KLHL32: variants seen among roughly 807,000 people sequenced by gnomAD.
KLHL32 encodes the protein kelch like family member 32.
In KLHL32, 35 loss-of-function variants were observed where a neutral mutation model predicts 64.8. That is an observed-to-expected ratio of 0.54 (90% CI 0.41 to 0.72). The LOEUF is 0.72. Among genes scored for constraint, KLHL32 ranks in the 30% least tolerant of loss-of-function variants. The pLI is 0.00. For missense variants in KLHL32, 589 were observed against 768.5 expected, an observed-to-expected ratio of 0.77 and a Z score of 2.76; for synonymous variants, 259 against 281.0, an observed-to-expected ratio of 0.92 and a Z score of 0.78.
chr6:96,991,336 G>A (rs1459817917), intron 3 of KLHL32, among the ~76,000 whole-genome samples: 1 of 152,092 alleles, frequency 6.6e-6, no homozygotes, highest in African/African-American at 2.4e-5. Context: ...AAGAATACAG[G>A]GTGGGAGCTC....
chr6:97,027,036 C>T (rs1782812144), intron 3 of KLHL32, among the ~76,000 whole-genome samples: 1 of 151,874 alleles, frequency 6.6e-6, no homozygotes, highest in African/African-American at 2.4e-5. Context: ...GTGGCGTGCA[C>T]CTGTAGTCCC....
chr6:96,899,779 C>T, the KLHL32 span, among the ~76,000 whole-genome samples: 2 of 152,176 alleles, frequency 1.3e-5, no homozygotes, highest in Admixed American at 1.3e-4. Flanking sequence ...AACAGGAACT[C>T]TGAACTTAAG....
chr6:96,941,211 C>T (rs955167477), intron 1 of KLHL32, among the ~76,000 whole-genome samples: 2 of 152,112 alleles, frequency 1.3e-5, no homozygotes, highest in Non-Finnish European at 2.9e-5. Flanking sequence ...TTCTATGATT[C>T]GCCTGTTCAA....
chr6:96,933,239 G>A (rs1023254956), intron 1 of KLHL32, among the ~76,000 whole-genome samples: 3 of 152,262 alleles, frequency 2.0e-5, no homozygotes, highest in South Asian at 2.1e-4. Flanking sequence ...CAAAACACGT[G>A]CCTTGATTAC....
chr6:97,134,377 G>A (rs975902541), intron 10 of KLHL32, among the ~76,000 whole-genome samples: 9 of 152,178 alleles, frequency 5.9e-5, no homozygotes, highest in African/African-American at 1.9e-4. Context: ...CTAGAGCTTC[G>A]TCCTGTCTTT....
Position 97,140,392 on chromosome 6 carries a change from T to A in KLHL32, c.*1110T>A. On this transcript the variant is annotated 3_prime_UTR_variant, in exon 11 of 11. Coordinates refer to ENST00000369261, the MANE Select transcript of KLHL32 (RefSeq NM_052904.4). ...AGTTTTTCCACTTTGTTAAAGGTTATGTCAATCTTGAGTGCTTGTGGAATT... is the reference window on the plus strand; with the variant it reads ...AGTTTTTCCACTTTGTTAAAGGTTAAGTCAATCTTGAGTGCTTGTGGAATT... 6.6e-6 allele frequency: 1 copy of A among 152,124 alleles called. No homozygotes were observed. The highest frequency in any genetic ancestry group is 1.9e-4 in the East Asian group (1 of 5,200). 9.4% of individuals were successfully genotyped at this position (152,124 alleles called of 1,614,324 possible).
chr6:96,969,759 G>C (rs981052677), intron 2 of KLHL32, among the ~76,000 whole-genome samples: 3 of 152,126 alleles, frequency 2.0e-5, no homozygotes, highest in Non-Finnish European at 4.4e-5. Context: ...CCATGTTCTT[G>C]AGATACAGCT....
intron 1 of KLHL32, among the ~76,000 whole-genome samples, chr6:96,927,482 G>A (rs977769328): frequency 1.4e-4 from 22 of 151,970 alleles, no homozygotes; most frequent in African/African-American, 5.3e-4. Flanking sequence ...AGGTAAATAC[G>A]TCTTGAGAAG....
chr6:96,971,759 C>T (rs1033902929), intron 2 of KLHL32, among the ~76,000 whole-genome samples: 2 of 152,102 alleles, frequency 1.3e-5, no homozygotes, highest in Non-Finnish European at 2.9e-5. Context: ...GACATATATC[C>T]CTGGGAACTC....
chr6:97,089,041 C>T (rs1404841640), intron 6 of KLHL32, among the ~76,000 whole-genome samples: 1 of 152,208 alleles, frequency 6.6e-6, no homozygotes, highest in Non-Finnish European at 1.5e-5. Flanking sequence ...AAGTATGGCT[C>T]TCCACCCATC....
At chr6:96,977,091 T>C (rs971520274) in intron 3 of KLHL32, among the ~76,000 whole-genome samples, 3 of 152,180 alleles carry the variant, frequency 2.0e-5, no homozygotes, top group African/African-American at 7.2e-5. Flanking sequence ...TGAAAGTACA[T>C]AATATAGTGA....
chr6:97,127,377 G>T, intron 7 of KLHL32, 27 bp from the exon 8 acceptor site: 1 of 1,582,192 alleles, frequency 6.3e-7, no homozygotes. Flanking sequence ...TTCATGAAAA[G>T]CTCTAACACA....
At chr6:97,041,678 A>G in intron 4 of KLHL32, 79 bp downstream of exon 4, 1 of 798,700 alleles carries the variant, frequency 1.3e-6, no homozygotes, top group Non-Finnish European at 2.1e-6. Flanking sequence ...GAGGTATGAG[A>G]TTTAGTTATT....
intron 4 of KLHL32, among the ~76,000 whole-genome samples, chr6:97,052,289 A>C (rs1406899970): frequency 6.6e-6 from 1 of 152,232 alleles, no homozygotes; most frequent in Admixed American, 6.5e-5. Context: ...TGAATGTTGT[A>C]CTGTCAACTC....
At chr6:97,069,163 A>G (rs1298244698) in intron 5 of KLHL32, among the ~76,000 whole-genome samples, 2 of 152,126 alleles carry the variant, frequency 1.3e-5, no homozygotes, top group Non-Finnish European at 2.9e-5. Flanking sequence ...AATTCTTACT[A>G]TTCTTCACTC....
chr6:97,092,200 A>G, intron 6 of KLHL32, among the ~76,000 whole-genome samples: 1 of 152,152 alleles, frequency 6.6e-6, no homozygotes, highest in Non-Finnish European at 1.5e-5. Context: ...CACGTTAGCC[A>G]GGATGGTCTC....
At chr6:97,081,616 C>T (rs1792534688) in intron 5 of KLHL32, among the ~76,000 whole-genome samples, 1 of 152,166 alleles carries the variant, frequency 6.6e-6, no homozygotes, top group South Asian at 2.1e-4. Flanking sequence ...CTCAGGGAAG[C>T]CTTTACTAAC....
At chr6:97,001,894 G>A (rs989330556) in intron 3 of KLHL32, among the ~76,000 whole-genome samples, 1 of 152,168 alleles carries the variant, frequency 6.6e-6, no homozygotes, top group African/African-American at 2.4e-5. Flanking sequence ...CCTAAGAAGA[G>A]CGTTATACTG....
chr6:96,906,116 T>C, the KLHL32 span, among the ~76,000 whole-genome samples: 1 of 152,172 alleles, frequency 6.6e-6, no homozygotes, highest in Non-Finnish European at 1.5e-5. Flanking sequence ...TTCATTTCTG[T>C]TGGATGTGAC....
Sources: gnomAD v4.1 joint callset for allele counts (sites outside exome capture counted in the v4.1 genomes callset) on GRCh38, gnomAD v4.1.1 for gene constraint, MANE v1.5 for transcripts, NCBI Gene and HGNC (gene_info 2026-07-23, HGNC 2026-07-21) for gene names.